Variants in NEURL1B observed in about 807,000 individuals in gnomAD.
The protein encoded by NEURL1B is E3 ubiquitin-protein ligase NEURL1B.
In NEURL1B, 13 loss-of-function variants were observed where a neutral mutation model predicts 37.4. The observed-to-expected ratio is 0.35, with a 90% CI of 0.23 to 0.55. The LOEUF is 0.55. NEURL1B is among the 20% of genes least tolerant of loss of function. The probability of loss-of-function intolerance (pLI) is 0.89; values close to 1 mark genes in which losing one functional copy is unlikely to be tolerated. For synonymous variants in NEURL1B, 432 were observed against 426.6 expected (o/e 1.01, Z -0.16); for missense variants, 790 against 879.2 (o/e 0.90, Z 1.28).
Position 172,686,222 on chromosome 5 carries a change from G to A in NEURL1B, c.1349G>A (p.Gly450Asp). Reference protein sequence around the residue: ...ATTTPSGSLSGSQDDSDSDMT... With the variant: ...ATTTPSGSLSDSQDDSDSDMT... The stretch of plus-strand genomic sequence containing the variant: ...ACGACTCCATCAGGGTCCCTCAGCG[G>A]CTCCCAGGACGATAGTGATTCAGAT... Residue 450 changes from glycine (G) to aspartate (D), a missense_variant, in exon 4 of 5, where the codon GGC becomes GAC. By Grantham distance (94) the Gly-to-Asp change is moderately conservative. Around this residue, in one of 3 missense-constraint regions of NEURL1B, gnomAD observed 115 missense variants for 162.6 expected, o/e 0.71. Transcript: ENST00000369800. The surrounding 1 kb of genome is among the most constrained non-coding windows in gnomAD (Gnocchi z 7.9). 1 of 1,551,698 alleles carries A rather than the reference G, an allele frequency of 6.4e-7. No homozygotes were observed. The highest frequency in any genetic ancestry group is 8.7e-7 in the Non-Finnish European group (1 of 1,146,982).
At chr5:172,671,154 C>T (rs899191058) in intron 2 of NEURL1B, among the ~76,000 whole-genome samples, 12 of 152,096 alleles carry the variant, frequency 7.9e-5, no homozygotes, top group African/African-American at 2.9e-4. Flanking sequence ...ATGTCATCAC[C>T]CCAAAGGGAA....
At chr5:172,653,468 CT>C (rs1392687464) in intron 1 of NEURL1B, among the ~76,000 whole-genome samples, 2 of 152,030 alleles carry the variant, frequency 1.3e-5, no homozygotes, top group Non-Finnish European at 2.9e-5. Flanking sequence ...TTTATAGACT[CT>C]TTTTAACCTT....
At chr5:172,646,234 C>G (rs1581417679) in intron 1 of NEURL1B, among the ~76,000 whole-genome samples, 1 of 152,188 alleles carries the variant, frequency 6.6e-6, no homozygotes, top group Admixed American at 6.5e-5. Context: ...ATGGCATGAC[C>G]TCTCTGTGCC....
intron 1 of NEURL1B, among the ~76,000 whole-genome samples, chr5:172,650,521 G>C (rs1156256425): frequency 6.6e-6 from 1 of 152,194 alleles, no homozygotes; most frequent in Non-Finnish European, 1.5e-5. Context: ...CGGAAAGAGG[G>C]TGGGTTTGGA....
chr5:172,663,829 T>TTTATTATTATTATTATTATTATTATTA (rs60738970), intron 1 of NEURL1B, among the ~76,000 whole-genome samples: 11 of 140,826 alleles, frequency 7.8e-5, no homozygotes, highest in South Asian at 2.3e-4. Flanking sequence ...GTTTTATTTG[T>TTTATTATTATTATTATTATTATTATTA]TTATTATTAT....
chr5:172,670,367 A>T, intron 2 of NEURL1B, 37 bp downstream of exon 2: 1 of 1,332,898 alleles, frequency 7.5e-7, no homozygotes, highest in Non-Finnish European at 9.6e-7. Context: ...GGGACCTGGC[A>T]GCGGTGCCTT....
At position 172,641,457 on chromosome 5, in the gene NEURL1B, C is replaced by T; in HGVS notation, c.31+20C>T. 2 of 1,313,508 alleles carry T rather than the reference C, an allele frequency of 1.5e-6. No individual in the cohort carries two copies. Among genetic ancestry groups the T allele is most frequent in the Non-Finnish European group, 9.7e-7 (1 of 1,032,680 alleles). 81.4% of individuals were successfully genotyped at this position (1,313,508 alleles called of 1,614,324 possible). On this transcript the variant is annotated intron_variant, in intron 1 of 4. Transcript: ENST00000369800. This position sits in a 1 kb window ranked among gnomAD's most constrained non-coding sequence, Gnocchi z 6.4. ...TGCCAGGTACGCCGGGGAGCCCTGC[C>T]CGGGAGGCGGGCGCCGGGCTTCTCT...
At chr5:172,663,054 A>ATAATAATAATAATAATAATAAT (rs1757932765) in intron 1 of NEURL1B, among the ~76,000 whole-genome samples, 12 of 148,008 alleles carry the variant, frequency 8.1e-5, no homozygotes, top group Non-Finnish European at 1.3e-4. Flanking sequence ...CTGACTCTAC[A>ATAATAATAATAATAATAATAAT]AATAATAATA....
At chr5:172,674,700 TC>T (rs1758196040) in intron 2 of NEURL1B, among the ~76,000 whole-genome samples, 1 of 152,048 alleles carries the variant, frequency 6.6e-6, no homozygotes, top group African/African-American at 2.4e-5. Context: ...CCTTCCTTCC[TC>T]CCTCCCTGCT....
In NEURL1B at chr5:172,647,120, C is replaced by A. The variant is rs1445014841; in HGVS notation, c.31+5683C>A. Among the ~76,000 whole-genome samples, 2 of 152,294 alleles carry A rather than the reference C, an allele frequency of 1.3e-5. No individual in the cohort carries two copies. The highest frequency in any genetic ancestry group is 3.9e-4 in the East Asian group (2 of 5,168). On this transcript the variant is annotated intron_variant, in intron 1 of 4. Transcript: ENST00000369800. The surrounding 1 kb of genome is among the most constrained non-coding windows in gnomAD (Gnocchi z 4.2). ...CGCTCAGAACAGGCTGTTTAATCTCCCCCATGGAGAAGAGTCAGCTCTGCC... is the reference window on the plus strand; with the variant it reads ...CGCTCAGAACAGGCTGTTTAATCTCACCCATGGAGAAGAGTCAGCTCTGCC...
In NEURL1B at chr5:172,686,648, T is replaced by C; in HGVS notation, c.1424-33T>C. The C allele has an allele frequency of 6.5e-7, 1 of 1,532,974 alleles. No individual in the cohort carries two copies. The highest frequency in any genetic ancestry group is 8.8e-7 in the Non-Finnish European group (1 of 1,132,510). The allele number at this position is 1,532,974 out of a possible 1,614,324, so 95.0% of individuals were successfully genotyped here. ...AACAGAGCCCACCTGAGAGAGACAT[T>C]GTTAACATATGTCCTCTTCTCCCTT... On this transcript the variant is annotated intron_variant, in intron 4 of 4. Coordinates refer to ENST00000369800, the MANE Select transcript of NEURL1B (RefSeq NM_001142651.3). The surrounding 1 kb of genome is among the most constrained non-coding windows in gnomAD (Gnocchi z 7.9).
rs1758650826 is a variant in NEURL1B, at chr5:172,691,208, C to T, written c.*4283C>T. On this transcript the variant is annotated 3_prime_UTR_variant, in exon 5 of 5. Transcript: ENST00000369800. ...TGGTAGGGTTCTAGAAATCTGTGGT[C>T]ATCGCTGAAATCCTTTTTGCATCAT... 2 of 152,194 alleles carry T rather than the reference C, an allele frequency of 1.3e-5. No homozygotes were observed. Among genetic ancestry groups the T allele is most frequent in the African/African-American group, 4.8e-5 (2 of 41,440 alleles). The allele number at this position is 152,194 out of a possible 1,614,324, so 9.4% of individuals were successfully genotyped here.
chr5:172,656,101 G>A (rs1333727258), intron 1 of NEURL1B, among the ~76,000 whole-genome samples: 1 of 152,152 alleles, frequency 6.6e-6, no homozygotes, highest in Non-Finnish European at 1.5e-5. Context: ...TATTGGCTAG[G>A]ATTAGACTGT....
chr5:172,645,034 C>T (rs998415890), intron 1 of NEURL1B, among the ~76,000 whole-genome samples: 11 of 152,190 alleles, frequency 7.2e-5, no homozygotes, highest in African/African-American at 1.9e-4. Context: ...CACGCTTGAC[C>T]GAACCAACAG....
chr5:172,679,045 T>C (rs1419049300), intron 2 of NEURL1B, among the ~76,000 whole-genome samples: 1 of 152,208 alleles, frequency 6.6e-6, no homozygotes, highest in African/African-American at 2.4e-5. Flanking sequence ...TGGTACTCAG[T>C]GGCTATTCAT....
At chr5:172,682,576 CAAA>C (rs998597160) in intron 2 of NEURL1B, among the ~76,000 whole-genome samples, 2 of 146,780 alleles carry the variant, frequency 1.4e-5, no homozygotes, top group East Asian at 2.0e-4. Context: ...AACTCTATCT[CAAA>C]AAAAAAAAAT....
In NEURL1B at chr5:172,656,571, G is replaced by A. The variant is rs186010730; in HGVS notation, c.32-13214G>A. ...ACCTATGGCCAAGAGCCCCTTCCCC[G>A]CGGCCTTCGCTTTTAGCTCCTCGAG... On this transcript the variant is annotated intron_variant, in intron 1 of 4. Transcript: ENST00000369800. 2.7e-4 allele frequency: 437 copies of A among 1,610,894 alleles called. 2 individuals are homozygous for A. In the East Asian group the frequency reaches 4.1e-3, roughly 15 times the overall value.
rs1010885035 is a variant in NEURL1B, at chr5:172,683,735, G to A, written c.894G>A (p.Val298=). The A allele has an allele frequency of 1.2e-4, 160 of 1,349,594 alleles. No homozygotes were observed. The highest frequency in any genetic ancestry group is 3.4e-4 in the African/African-American group (22 of 64,452). 83.6% of individuals were successfully genotyped at this position (1,349,594 alleles called of 1,614,324 possible). The change falls in exon 3 of 5, where the codon GTG becomes GTA. Residue 298 remains valine (V), a synonymous_variant. Coordinates refer to ENST00000369800, the MANE Select transcript of NEURL1B (RefSeq NM_001142651.3). The surrounding 1 kb of genome is among the most constrained non-coding windows in gnomAD (Gnocchi z 5.6). ...TGAGCCTGTCGGCCGACCGCAAAGT[G>A]GCCTGCGCACCGCGGCCCGACGGCG... ...PDVSLSADRK[V]ACAPRPDGGR...
chr5:172,683,632 G>A lies in NEURL1B; in HGVS notation c.791G>A (p.Arg264His), dbSNP rs1292027297. The change falls in exon 3 of 5, where the codon CGT becomes CAT. Residue 264 changes from arginine (R) to histidine (H), a missense_variant. Transcript: ENST00000369800. The surrounding 1 kb of genome is among the most constrained non-coding windows in gnomAD (Gnocchi z 5.6). Reference sequence around the variant, plus strand: ...GCCGCCGCCATTCCGTGCGGGCCCCGTGAGCGCCCGCGGCCCGCGTCGTCG... The same window carrying A: ...GCCGCCGCCATTCCGTGCGGGCCCCATGAGCGCCCGCGGCCCGCGTCGTCG... The part of the protein sequence containing the change: ...AAAAAIPCGP[R>H]ERPRPASSPA... The A allele has an allele frequency of 8.1e-7, 1 of 1,232,824 alleles. No homozygotes were observed. Among genetic ancestry groups the A allele is most frequent in the South Asian group, 2.0e-5 (1 of 49,980 alleles). 76.4% of individuals were successfully genotyped at this position (1,232,824 alleles called of 1,614,324 possible).
Sources: allele counts gnomAD v4.1 joint callset (sites outside exome capture counted in the v4.1 genomes callset), GRCh38; gene constraint gnomAD v4.1.1; regional missense constraint gnomAD v4.1.1; non-coding constraint Gnocchi (gnomAD v3.1); transcripts MANE v1.5; gene names NCBI Gene and HGNC (gene_info 2026-07-23, HGNC 2026-07-21).